The following GRM5 variants were observed in gnomAD, a reference collection of about 807,000 sequenced individuals.
GRM5 encodes glutamate metabotropic receptor 5, also known as metabotropic glutamate receptor 5.
In GRM5, 19 loss-of-function variants were observed where a neutral mutation model predicts 83.1. That is an observed-to-expected ratio of 0.23 (90% CI 0.16 to 0.34). The LOEUF is 0.34. GRM5 is among the 10% of genes least tolerant of loss of function. The probability of loss-of-function intolerance (pLI) is 1.00; values close to 1 mark genes in which losing one functional copy is unlikely to be tolerated. For synonymous variants in GRM5, 675 were observed against 633.6 expected, an observed-to-expected ratio of 1.07 and a Z score of -0.98; for missense variants, 1,160 against 1,588.3, an observed-to-expected ratio of 0.73 and a Z score of 4.58.
chr11:88,648,083 G>T (rs1939513733), intron 4 of GRM5, among the ~76,000 whole-genome samples: 1 of 152,076 alleles, frequency 6.6e-6, no homozygotes, highest in Non-Finnish European at 1.5e-5. Flanking sequence ...AACCATTGTG[G>T]AAGTCAGTGT....
At chr11:88,570,571 A>ATATATATATATATTTTTTTTTT (rs1405339448) in intron 7 of GRM5, among the ~76,000 whole-genome samples, 2 of 46,378 alleles carry the variant, frequency 4.3e-5, no homozygotes, top group Non-Finnish European at 7.0e-5. Context: ...ATATATATAT[A>ATATATATATATATTTTTTTTTT]TTTTTTTTTT....
chr11:88,573,795 C>T (rs144512099), intron 7 of GRM5, among the ~76,000 whole-genome samples: 125 of 152,284 alleles, frequency 8.2e-4, no homozygotes, highest in Middle Eastern at 6.8e-3. Flanking sequence ...AATAAGCCAT[C>T]TTTCTGCCTT....
intron 4 of GRM5, among the ~76,000 whole-genome samples, 199 bp downstream of exon 4, chr11:88,652,969 A>C (rs1488433161): frequency 2.6e-5 from 4 of 152,066 alleles, no homozygotes; most frequent in Non-Finnish European, 5.9e-5. Flanking sequence ...TAATCACATA[A>C]AATATCACTA....
chr11:88,665,784 T>A (rs1042381749), intron 3 of GRM5, among the ~76,000 whole-genome samples: 5 of 145,776 alleles, frequency 3.4e-5, no homozygotes, highest in African/African-American at 7.4e-5. Context: ...GGCTGAATAT[T>A]TTTTTTTTAA....
intron 3 of GRM5, among the ~76,000 whole-genome samples, chr11:88,668,389 C>A (rs1009403006): frequency 6.7e-6 from 1 of 148,406 alleles, no homozygotes; most frequent in Non-Finnish European, 1.5e-5. Flanking sequence ...TACCTTTAGA[C>A]GAGAAATAAC....
chr11:88,901,897 T>G (rs953396303), intron 2 of GRM5, among the ~76,000 whole-genome samples: 3 of 152,150 alleles, frequency 2.0e-5, no homozygotes, highest in Non-Finnish European at 4.4e-5. Flanking sequence ...TTTTCCCATC[T>G]CTTAGGCAAA....
chr11:88,914,255 G>A (rs906865109), intron 2 of GRM5, among the ~76,000 whole-genome samples: 1 of 152,088 alleles, frequency 6.6e-6, no homozygotes, highest in East Asian at 1.9e-4. Flanking sequence ...TTCTATCTTT[G>A]AGACATCATG....
At chr11:88,740,325 A>G (rs138482411) in intron 3 of GRM5, among the ~76,000 whole-genome samples, 111 of 152,060 alleles carry the variant, frequency 7.3e-4, no homozygotes, top group African/African-American at 2.6e-3. Context: ...TGCCTCCCTT[A>G]TTTCTTTATA....
chr11:88,601,283 G>A (rs1046765761), intron 5 of GRM5, among the ~76,000 whole-genome samples: 8 of 152,086 alleles, frequency 5.3e-5, no homozygotes, highest in Non-Finnish European at 1.0e-4. Context: ...ACACAAAGTC[G>A]TTATCTGCCA....
At chr11:88,665,396 C>A (rs1387160672) in intron 3 of GRM5, among the ~76,000 whole-genome samples, 1 of 152,126 alleles carries the variant, frequency 6.6e-6, no homozygotes, top group African/African-American at 2.4e-5. Flanking sequence ...TACATAAACA[C>A]AGAATGGGCT....
chr11:88,748,321 G>A (rs756312308), intron 3 of GRM5, among the ~76,000 whole-genome samples: 1 of 152,132 alleles, frequency 6.6e-6, no homozygotes, highest in African/African-American at 2.4e-5. Flanking sequence ...TAGGAAGGGA[G>A]CTTAATCCAG....
intron 1 of GRM5, among the ~76,000 whole-genome samples, chr11:89,050,200 CTTAT>C (rs1285803591): frequency 2.0e-5 from 3 of 152,060 alleles, no homozygotes; most frequent in East Asian, 1.9e-4. Context: ...AAGTTTGTTA[CTTAT>C]TTAACAAAAA....
At chr11:89,005,062 C>G (rs1252497726) in intron 2 of GRM5, among the ~76,000 whole-genome samples, 1 of 152,182 alleles carries the variant, frequency 6.6e-6, no homozygotes, top group Admixed American at 6.5e-5. Flanking sequence ...ACTGACTTCT[C>G]TGACTATGGG....
intron 2 of GRM5, among the ~76,000 whole-genome samples, chr11:89,028,319 C>G: frequency 6.6e-6 from 1 of 152,158 alleles, no homozygotes; most frequent in Non-Finnish European, 1.5e-5. Context: ...ATGGTGGCTC[C>G]TGCCTGTAAT....
intron 8 of GRM5, among the ~76,000 whole-genome samples, chr11:88,537,835 A>T (rs1942170225): frequency 6.6e-6 from 1 of 152,182 alleles, no homozygotes; most frequent in Admixed American, 6.5e-5. Context: ...AGCATGATTA[A>T]TAGCTCCAGA....
At chr11:88,532,423 T>A (rs939956440) in intron 8 of GRM5, among the ~76,000 whole-genome samples, 13 of 152,212 alleles carry the variant, frequency 8.5e-5, no homozygotes, top group Admixed American at 2.0e-4. Context: ...TATAGTCATA[T>A]GACAAGTCAC....
chr11:88,846,718 G>A (rs1304821181), intron 3 of GRM5, among the ~76,000 whole-genome samples: 15 of 150,936 alleles, frequency 9.9e-5, no homozygotes, highest in Non-Finnish European at 2.2e-4. Context: ...AGTTCCTAAA[G>A]CCATTCATTC....
chr11:88,905,570 G>T (rs1432673094), intron 2 of GRM5, among the ~76,000 whole-genome samples: 1 of 152,104 alleles, frequency 6.6e-6, no homozygotes, highest in East Asian at 1.9e-4. Flanking sequence ...TGGAATTCCT[G>T]ACCTCAAGTA....
rs1050608459 is a variant in GRM5, at chr11:88,810,142, A to G, written c.911+39764T>C. 5.1e-4 allele frequency among the ~76,000 whole-genome samples: 77 copies of G among 152,086 alleles called. 1 individual carries two copies. The highest frequency in any genetic ancestry group is 1.6e-4 in the Non-Finnish European group (11 of 67,948). ...GGAGATTAGGCCCCAAGTATGAGAAAGACTGAAGAGTAAAATGGTTTGGAA... is the reference window on the plus strand; with the variant it reads ...GGAGATTAGGCCCCAAGTATGAGAAGGACTGAAGAGTAAAATGGTTTGGAA... On this transcript the variant is annotated intron_variant, in intron 3 of 9. Transcript: ENST00000305447.
Sources: gnomAD v4.1 joint callset for allele counts (sites outside exome capture counted in the v4.1 genomes callset) on GRCh38, gnomAD v4.1.1 for gene constraint, MANE v1.5 for transcripts, NCBI Gene and HGNC (gene_info 2026-07-23, HGNC 2026-07-21) for gene names.